The following GALNT1 variants were observed in gnomAD, a reference collection of about 807,000 sequenced individuals.
GALNT1 encodes polypeptide N-acetylgalactosaminyltransferase 1.
A neutral mutation model predicts 65.7 loss-of-function variants in GALNT1; 17 were observed. The observed-to-expected ratio is 0.26, with a 90% CI of 0.18 to 0.39. The LOEUF (loss-of-function observed/expected upper bound fraction) is 0.39. Among genes scored for constraint, GALNT1 ranks in the 10% least tolerant of loss-of-function variants. The pLI, the probability that GALNT1 is intolerant of heterozygous loss-of-function variation, is 1.00. For missense variants in GALNT1, 460 were observed against 672.8 expected (o/e 0.68, Z 3.50); for synonymous variants, 210 against 219.7 (o/e 0.96, Z 0.39).
rs1440044010 is a variant in GALNT1, at chr18:35,710,369, A to T, written c.*599A>T. 6.6e-6 allele frequency: 1 copy of T among 152,654 alleles called. No homozygotes were observed. Among genetic ancestry groups the T allele is most frequent in the Non-Finnish European group, 1.5e-5 (1 of 68,048 alleles). The allele number at this position is 152,654 out of a possible 1,614,324, so 9.5% of individuals were successfully genotyped here. Reference sequence around the variant, plus strand: ...AGTATCAAATTTCTATATAGATTTTATACCTCAGTGGGGAAAAATAACTGA... The same window carrying T: ...AGTATCAAATTTCTATATAGATTTTTTACCTCAGTGGGGAAAAATAACTGA... On this transcript the variant is annotated 3_prime_UTR_variant, in exon 12 of 12. Coordinates refer to ENST00000269195, the MANE Select transcript of GALNT1 (RefSeq NM_020474.4).
chr18:35,599,283 A>G (rs193227798), intron 1 of GALNT1, among the ~76,000 whole-genome samples: 121 of 150,984 alleles, frequency 8.0e-4, no homozygotes, highest in African/African-American at 2.9e-3. Flanking sequence ...CAACCCAAAA[A>G]GTTTTTGCCC....
At chr18:35,585,106 G>A (rs2046364891) in intron 1 of GALNT1, among the ~76,000 whole-genome samples, 1 of 152,216 alleles carries the variant, frequency 6.6e-6, no homozygotes, top group South Asian at 2.1e-4. Context: ...CAGGTTGGCT[G>A]GGTTGGGGAG....
At chr18:35,655,823 G>A (rs990618355) in intron 2 of GALNT1, among the ~76,000 whole-genome samples, 1 of 152,088 alleles carries the variant, frequency 6.6e-6, no homozygotes, top group Non-Finnish European at 1.5e-5. Context: ...TACATAACTG[G>A]TTCTATTTAT....
chr18:35,631,031 A>G lies in GALNT1; in HGVS notation c.-103-23529A>G, dbSNP rs1209350677. On this transcript the variant is annotated intron_variant, in intron 1 of 11. Transcript: ENST00000269195. ...AGAAGTTGAATCTCTGAATAGATCA[A>G]TAACAGGCTCTGAAATTGAGGCAGT... Among the ~76,000 whole-genome samples the G allele has an allele frequency of 2.0e-5, 3 of 152,334 alleles. No homozygotes were observed. In the East Asian group the frequency reaches 5.8e-4, roughly 29 times the overall value.
chr18:35,628,749 G>A (rs1488146882), intron 1 of GALNT1, among the ~76,000 whole-genome samples: 1 of 152,148 alleles, frequency 6.6e-6, no homozygotes, highest in African/African-American at 2.4e-5. Context: ...GAAGAAGGCT[G>A]CAGACGATCA....
upstream of GALNT1, among the ~76,000 whole-genome samples, chr18:35,581,582 A>AGCGGCGGC (rs1555644073): frequency 0.96 from 132,293 of 137,400 alleles, 63,746 homozygotes; most frequent in East Asian, 0.99. Context: ...GTGAGCGGGC[A>AGCGGCGGC]GGCGGCGCGC....
intron 11 of GALNT1, 48 bp downstream of exon 11, chr18:35,703,691 G>T: frequency 1.9e-6 from 3 of 1,583,090 alleles, no homozygotes; most frequent in Non-Finnish European, 8.6e-7. Flanking sequence ...GTGTCACTGG[G>T]TATATTTATA....
At chr18:35,603,475 G>A (rs1323608979) in intron 1 of GALNT1, among the ~76,000 whole-genome samples, 1 of 152,130 alleles carries the variant, frequency 6.6e-6, no homozygotes, top group Non-Finnish European at 1.5e-5. Context: ...GGAGGGTAAA[G>A]CCAGATTGCT....
At chr18:35,689,733 AT>A (rs1382822501) in intron 7 of GALNT1, among the ~76,000 whole-genome samples, 1 of 152,202 alleles carries the variant, frequency 6.6e-6, no homozygotes, top group Non-Finnish European at 1.5e-5. Flanking sequence ...ATATTTTTCA[AT>A]AAAAATGCGA....
intron 1 of GALNT1, among the ~76,000 whole-genome samples, chr18:35,641,133 C>G (rs1252884240): frequency 6.6e-6 from 1 of 152,130 alleles, no homozygotes; most frequent in African/African-American, 2.4e-5. Context: ...GACAAAGATA[C>G]TTCTTTTTTA....
At chr18:35,652,306 A>G (rs1009400850) in intron 1 of GALNT1, among the ~76,000 whole-genome samples, 1 of 152,176 alleles carries the variant, frequency 6.6e-6, no homozygotes, top group African/African-American at 2.4e-5. Context: ...TCTCAGCCTC[A>G]TAGAGGGTCT....
At chr18:35,617,121 G>A (rs577923525) in intron 1 of GALNT1, among the ~76,000 whole-genome samples, 6 of 151,938 alleles carry the variant, frequency 3.9e-5, no homozygotes, top group Non-Finnish European at 8.8e-5. Flanking sequence ...TCCATTTCCT[G>A]TCTGTGGCTA....
At chr18:35,691,256 A>G in intron 8 of GALNT1, 64 bp downstream of exon 8, 2 of 1,425,928 alleles carry the variant, frequency 1.4e-6, no homozygotes, top group Non-Finnish European at 1.9e-6. Context: ...CCTGGAGGAG[A>G]AGTAAGAAGG....
chr18:35,635,660 T>C (rs1363542730), intron 1 of GALNT1, among the ~76,000 whole-genome samples: 1 of 152,208 alleles, frequency 6.6e-6, no homozygotes, highest in Non-Finnish European at 1.5e-5. Flanking sequence ...CTTTAGAGTA[T>C]GATATTCTAA....
At position 35,683,576 on chromosome 18, in the gene GALNT1, T is replaced by A; in HGVS notation, c.667T>A (p.Leu223Met). ...ECTVGWLEPL[L>M]ARIKHDRRTV... ...TACAGTGGGATGGCTGGAGCCTCTC[T>A]TGGCCAGGATCAAACATGACAGGTA... is the stretch of plus-strand genomic sequence containing the variant. Residue 223 changes from leucine (L) to methionine (M), a missense_variant, in exon 5 of 12, where the codon TTG becomes ATG. Coordinates refer to ENST00000269195, the MANE Select transcript of GALNT1 (RefSeq NM_020474.4). 6.2e-7 allele frequency: 1 copy of A among 1,613,600 alleles called. No individual in the cohort carries two copies. The highest frequency in any genetic ancestry group is 1.1e-5 in the South Asian group (1 of 91,026).
At chr18:35,659,872 A>G (rs1376742821) in intron 2 of GALNT1, 1 of 152,218 alleles carries the variant, frequency 6.6e-6, no homozygotes, top group Non-Finnish European at 1.5e-5. Flanking sequence ...GGTAAATTGA[A>G]CATGAAATTG....
intron 11 of GALNT1, among the ~76,000 whole-genome samples, chr18:35,708,476 G>A (rs2048302257): frequency 6.6e-6 from 1 of 152,232 alleles, no homozygotes; most frequent in East Asian, 1.9e-4. Flanking sequence ...GTTCTAATAG[G>A]TGCAAAAAAG....
chr18:35,641,487 A>G (rs1178815766), intron 1 of GALNT1, among the ~76,000 whole-genome samples: 2 of 152,210 alleles, frequency 1.3e-5, no homozygotes, highest in South Asian at 2.1e-4. Flanking sequence ...AACTCACACA[A>G]GGCTACATTA....
chr18:35,583,858 G>GT (rs1299292785), intron 1 of GALNT1, among the ~76,000 whole-genome samples: 1 of 152,192 alleles, frequency 6.6e-6, no homozygotes, highest in African/African-American at 2.4e-5. Flanking sequence ...TCTGACTGGA[G>GT]TTTTGCTCCT....
Sources: gnomAD v4.1 joint callset for allele counts (sites outside exome capture counted in the v4.1 genomes callset) on GRCh38, gnomAD v4.1.1 for gene constraint, MANE v1.5 for transcripts, NCBI Gene and HGNC (gene_info 2026-07-23, HGNC 2026-07-21) for gene names.